Variants in NXPE2 observed in about 807,000 individuals in gnomAD.
NXPE2 encodes the protein NXPE family member 2.
In NXPE2, 34 loss-of-function variants were observed where a neutral mutation model predicts 34.4. That is an observed-to-expected ratio of 0.99 (90% confidence interval 0.75 to 1.31). The LOEUF is 1.31. Among genes scored for constraint, NXPE2 ranks in the 40% most tolerant of loss-of-function variants. NXPE2 has a pLI of 0.00. For synonymous variants in NXPE2, 235 were observed against 231.3 expected (o/e 1.02, Z -0.15); for missense variants, 649 against 672.5 (o/e 0.97, Z 0.39).
the NXPE2 span, among the ~76,000 whole-genome samples, chr11:114,572,621 G>C: frequency 6.6e-6 from 1 of 152,124 alleles, no homozygotes; most frequent in Admixed American, 6.5e-5. Flanking sequence ...AAGAACCTCA[G>C]AGCTAGAAGA....
the NXPE2 span, among the ~76,000 whole-genome samples, chr11:114,609,860 G>A: frequency 2.0e-5 from 3 of 151,478 alleles, no homozygotes; most frequent in Non-Finnish European, 2.9e-5. Flanking sequence ...ATTGCCTCGC[G>A]GGTAACCACT....
intron 4 of NXPE2, among the ~76,000 whole-genome samples, chr11:114,704,873 T>C (rs1389262277): frequency 6.6e-6 from 1 of 152,254 alleles, no homozygotes; most frequent in Non-Finnish European, 1.5e-5. Flanking sequence ...GCAATTTGAA[T>C]GTTTGTAACA....
chr11:114,577,380 G>A, the NXPE2 span, among the ~76,000 whole-genome samples: 1 of 151,688 alleles, frequency 6.6e-6, no homozygotes, highest in Non-Finnish European at 1.5e-5. Flanking sequence ...ATGATACAGT[G>A]GACTTTGAGG....
At chr11:114,551,029 TG>T in the NXPE2 span, 1 of 751,324 alleles carries the variant, frequency 1.3e-6, no homozygotes, top group South Asian at 1.6e-5. Flanking sequence ...ACTAATGGAG[TG>T]GGACTGACTT....
the NXPE2 span, among the ~76,000 whole-genome samples, chr11:114,667,587 A>G: frequency 1.3e-5 from 2 of 152,108 alleles, no homozygotes; most frequent in African/African-American, 4.8e-5. Flanking sequence ...TGGCATTGTG[A>G]TTTCCTCCTT....
the NXPE2 span, among the ~76,000 whole-genome samples, chr11:114,801,613 G>A: frequency 2.6e-5 from 4 of 152,016 alleles, no homozygotes; most frequent in East Asian, 7.7e-4. Context: ...GTTGTCAAGA[G>A]TAAAAGCAAG....
chr11:114,714,946 G>A, the NXPE2 span, among the ~76,000 whole-genome samples: 2 of 152,196 alleles, frequency 1.3e-5, no homozygotes, highest in East Asian at 3.9e-4. Context: ...TGCTTAACCC[G>A]GGAGACAGAG....
the NXPE2 span, among the ~76,000 whole-genome samples, chr11:114,765,491 A>G: frequency 6.6e-6 from 1 of 152,186 alleles, no homozygotes; most frequent in African/African-American, 2.4e-5. Flanking sequence ...TATGGTATAA[A>G]CATAACTTTT....
chr11:114,731,232 C>T, the NXPE2 span, among the ~76,000 whole-genome samples: 1 of 152,040 alleles, frequency 6.6e-6, no homozygotes, highest in Non-Finnish European at 1.5e-5. Flanking sequence ...AATACAAATG[C>T]TGGTGAGGAT....
the NXPE2 span, among the ~76,000 whole-genome samples, chr11:114,470,582 CGTGTGTGTGTGTGTGTGTGT>C: frequency 2.8e-5 from 4 of 144,942 alleles, no homozygotes; most frequent in East Asian, 2.0e-4. Context: ...AAAGAATTGA[CGTGTGTGTGTGTGTGTGTGT>C]GTGTGTGTGT....
At chr11:114,783,246 A>G in the NXPE2 span, among the ~76,000 whole-genome samples, 1 of 152,230 alleles carries the variant, frequency 6.6e-6, no homozygotes, top group Non-Finnish European at 1.5e-5. Flanking sequence ...GTAACCATAA[A>G]AACCTAAAGT....
chr11:114,467,696 A>G, the NXPE2 span, among the ~76,000 whole-genome samples: 2 of 151,534 alleles, frequency 1.3e-5, no homozygotes, highest in Non-Finnish European at 2.9e-5. Flanking sequence ...GCCCTTTGGG[A>G]GGCGGAGGTA....
the NXPE2 span, among the ~76,000 whole-genome samples, chr11:114,490,056 C>A: frequency 1.3e-5 from 2 of 152,122 alleles, no homozygotes; most frequent in East Asian, 1.9e-4. Context: ...TTCTTATACA[C>A]CAATAACAGA....
the NXPE2 span, among the ~76,000 whole-genome samples, chr11:114,724,343 G>C: frequency 1.3e-5 from 2 of 152,070 alleles, no homozygotes; most frequent in African/African-American, 4.8e-5. Flanking sequence ...TTATTTCCTC[G>C]TACTCCGCAA....
the NXPE2 span, chr11:114,518,008 G>C: frequency 6.6e-6 from 1 of 152,518 alleles, no homozygotes; most frequent in Non-Finnish European, 1.5e-5. Context: ...TAGGTGCCTG[G>C]ATGTCTTGGC....
At chr11:114,628,066 T>C in the NXPE2 span, among the ~76,000 whole-genome samples, 1 of 149,806 alleles carries the variant, frequency 6.7e-6, no homozygotes, top group East Asian at 1.9e-4. Context: ...CACACGTTAA[T>C]AATGGGAGAC....
At chr11:114,510,501 G>T in the NXPE2 span, among the ~76,000 whole-genome samples, 13 of 152,280 alleles carry the variant, frequency 8.5e-5, no homozygotes, top group Middle Eastern at 6.8e-3. Flanking sequence ...GATTACAGGT[G>T]TAAGCCACCA....
the NXPE2 span, among the ~76,000 whole-genome samples, chr11:114,752,401 G>C: frequency 7.2e-5 from 11 of 152,306 alleles, no homozygotes; most frequent in African/African-American, 2.6e-4. Flanking sequence ...ATTTTAAATT[G>C]AAAAGCCACC....
downstream of NXPE2, among the ~76,000 whole-genome samples, chr11:114,708,956 C>A (rs1191814332): frequency 6.6e-6 from 1 of 152,186 alleles, no homozygotes; most frequent in African/African-American, 2.4e-5. Context: ...CTATATCACT[C>A]TACAACTCAC....
Sources: gnomAD v4.1 joint callset for allele counts (sites outside exome capture counted in the v4.1 genomes callset) on GRCh38, gnomAD v4.1.1 for gene constraint, MANE v1.5 for transcripts, NCBI Gene and HGNC (gene_info 2026-07-23, HGNC 2026-07-21) for gene names.